GABRB3: variants seen among roughly 807,000 people sequenced by gnomAD.
The protein encoded by GABRB3 is gamma-aminobutyric acid receptor subunit beta-3.
Under a neutral mutation model 52.1 loss-of-function variants are expected in GABRB3, and 14 were observed. That is an observed-to-expected ratio of 0.27 (90% CI 0.18 to 0.42). The LOEUF is 0.42. Ranked by LOEUF, GABRB3 falls within the 10% of genes least tolerant of loss-of-function variation. The pLI is 1.00. For missense variants in GABRB3, 307 were observed against 609.1 expected, an observed-to-expected ratio of 0.50 and a Z score of 5.22; for synonymous variants, 260 against 232.3, an observed-to-expected ratio of 1.12 and a Z score of -1.08.
intron 5 of GABRB3, 50 bp downstream of exon 5, chr15:26,583,282 G>T (rs1356734557): frequency 1.0e-5 from 15 of 1,452,266 alleles, no homozygotes; most frequent in Non-Finnish European, 1.5e-5. Context: ...ATGACAAAAG[G>T]ATCAAAAGTA....
chr15:26,706,863 C>G (rs1477477781), intron 3 of GABRB3, among the ~76,000 whole-genome samples: 3 of 152,278 alleles, frequency 2.0e-5, no homozygotes, highest in Middle Eastern at 3.4e-3. Flanking sequence ...CTCAGCCTCC[C>G]AGCCATCTTC....
chr15:26,578,680 C>T (rs1334357962), intron 6 of GABRB3, among the ~76,000 whole-genome samples: 1 of 152,218 alleles, frequency 6.6e-6, no homozygotes, highest in Non-Finnish European at 1.5e-5. Flanking sequence ...CTCATAGCAG[C>T]ACGCTCATGG....
chr15:26,706,017 A>G (rs1353022131), intron 3 of GABRB3, among the ~76,000 whole-genome samples: 1 of 152,202 alleles, frequency 6.6e-6, no homozygotes, highest in Non-Finnish European at 1.5e-5. Flanking sequence ...CCCTTGTAAC[A>G]AACCTGCACA....
intron 3 of GABRB3, among the ~76,000 whole-genome samples, chr15:26,740,107 C>G (rs902130993): frequency 6.6e-6 from 1 of 152,140 alleles, no homozygotes; most frequent in Non-Finnish European, 1.5e-5. Flanking sequence ...CAATCGGCAG[C>G]TTCCCAGGGC....
intron 3 of GABRB3, among the ~76,000 whole-genome samples, chr15:26,719,093 G>A (rs1038399942): frequency 6.6e-6 from 1 of 152,226 alleles, no homozygotes; most frequent in African/African-American, 2.4e-5. Context: ...CTGACCTCTG[G>A]GCAGGCACAT....
At chr15:26,580,504 A>C (rs372714669) in intron 5 of GABRB3, 48 bp from the exon 6 acceptor site, 2 of 1,611,652 alleles carry the variant, frequency 1.2e-6, no homozygotes, top group South Asian at 1.1e-5. Context: ...ATTTCGTATA[A>C]ATGCACGGCT....
At chr15:26,720,476 T>C (rs960698020) in intron 3 of GABRB3, among the ~76,000 whole-genome samples, 1 of 152,146 alleles carries the variant, frequency 6.6e-6, no homozygotes, top group Non-Finnish European at 1.5e-5. Flanking sequence ...TGCTGTGACT[T>C]AGGAAGACGA....
rs117034756 is a variant in GABRB3 at position 26,581,863 on chromosome 15, C to T, written c.545-1407G>A. ...CTATTTGATTTTGGTCTAATGGCTT[C>T]CTGTCTTTTGTGGATTATAAGCTCC... is the stretch of plus-strand genomic sequence containing the variant. On this transcript the variant is annotated intron_variant, in intron 5 of 8. Coordinates refer to ENST00000311550, the MANE Select transcript of GABRB3 (RefSeq NM_000814.6). 9.1e-3 allele frequency among the ~76,000 whole-genome samples: 1,383 copies of T among 152,310 alleles called. 12 individuals are homozygous for T. The highest frequency in any genetic ancestry group is 0.027 in the Middle Eastern group (8 of 294).
chr15:26,573,273 T>G (rs992890946), intron 6 of GABRB3, among the ~76,000 whole-genome samples: 1 of 152,188 alleles, frequency 6.6e-6, no homozygotes, highest in African/African-American at 2.4e-5. Flanking sequence ...TACTTTATAA[T>G]GCAGCCTAAA....
At chr15:26,651,689 C>A (rs909192915) in intron 3 of GABRB3, among the ~76,000 whole-genome samples, 2 of 152,170 alleles carry the variant, frequency 1.3e-5, no homozygotes, top group African/African-American at 4.8e-5. Flanking sequence ...GGGAGTCACA[C>A]CCTACAAACC....
At position 26,621,349 on chromosome 15, in the gene GABRB3, A is replaced by G. The variant is rs769239044; in HGVS notation, c.426T>C (p.Arg142=). ...HGVTVKNRMI[R]LHPDGTVLYG... is the part of the protein sequence containing the mutation. Reference sequence around the variant, plus strand: ...ACAGCACTGTCCCATCAGGGTGAAGACGGATCATGCGGTTTTTCACTGTCA... The same window carrying G: ...ACAGCACTGTCCCATCAGGGTGAAGGCGGATCATGCGGTTTTTCACTGTCA... The change falls in exon 4 of 9, where the codon CGT becomes CGC. Residue 142 remains arginine, a synonymous_variant. Coordinates refer to ENST00000311550, the MANE Select transcript of GABRB3 (RefSeq NM_000814.6). This position sits in a 1 kb window ranked among gnomAD's most constrained non-coding sequence, Gnocchi z 4.1. The G allele has an allele frequency of 2.5e-6, 4 of 1,613,984 alleles. No homozygotes were observed. Among genetic ancestry groups the G allele is most frequent in the Non-Finnish European group, 3.4e-6 (4 of 1,180,026 alleles).
In GABRB3 at chr15:26,755,005, C is replaced by CTTT. The variant is rs5811447; in HGVS notation, c.240+17394_240+17396dup. 3.6e-3 allele frequency among the ~76,000 whole-genome samples: 504 copies of CTTT among 139,140 alleles called. 11 individuals are homozygous for CTTT. The highest frequency in any genetic ancestry group is 0.012 in the South Asian group (53 of 4,428). 91.3% of individuals were successfully genotyped at this position (139,140 alleles called of 152,430 possible). On this transcript the variant is annotated intron_variant, in intron 3 of 8. Transcript: ENST00000311550. ...TAAAAATGGTTAGAGCCTCTAACAA[C>CTTT]TTTTTTTTTTTTTTTTTGAGACGGA...
chr15:26,712,299 C>A (rs1453256685), intron 3 of GABRB3, among the ~76,000 whole-genome samples: 1 of 151,972 alleles, frequency 6.6e-6, no homozygotes, highest in Non-Finnish European at 1.5e-5. Flanking sequence ...CAGACATGAG[C>A]CACCATGCCT....
At chr15:26,583,063 C>T (rs1002847905) in intron 5 of GABRB3, among the ~76,000 whole-genome samples, 15 of 152,206 alleles carry the variant, frequency 9.9e-5, no homozygotes, top group East Asian at 3.9e-4. Flanking sequence ...AATAGCATCT[C>T]GGTGTTTGCT....
intron 3 of GABRB3, among the ~76,000 whole-genome samples, chr15:26,635,801 A>G (rs1893041091): frequency 6.6e-6 from 1 of 152,194 alleles, no homozygotes; most frequent in Non-Finnish European, 1.5e-5. Flanking sequence ...TAGTGATGCC[A>G]CACATTTTAG....
chr15:26,684,730 G>T (rs991594035), intron 3 of GABRB3, among the ~76,000 whole-genome samples: 3 of 152,154 alleles, frequency 2.0e-5, no homozygotes, highest in Non-Finnish European at 4.4e-5. Flanking sequence ...GAGAGAGACG[G>T]TTGGTGGAGC....
chr15:26,576,935 A>G lies in GABRB3; in HGVS notation c.682+3384T>C, dbSNP rs116941435. ...CTAGAAAGTAGATGAAGCTTATCCTAGATTGCTAATGCCTCCAGCTGTCTA... is the reference window on the plus strand; with the variant it reads ...CTAGAAAGTAGATGAAGCTTATCCTGGATTGCTAATGCCTCCAGCTGTCTA... On this transcript the variant is annotated intron_variant, in intron 6 of 8. Coordinates refer to ENST00000311550, the MANE Select transcript of GABRB3 (RefSeq NM_000814.6). 2.2e-4 allele frequency among the ~76,000 whole-genome samples: 34 copies of G among 152,316 alleles called. No homozygotes were observed. The East Asian group carries it at 6.6e-3, about 29-fold the overall frequency.
chr15:26,596,751 G>A (rs186184068), intron 4 of GABRB3, among the ~76,000 whole-genome samples: 1 of 152,208 alleles, frequency 6.6e-6, no homozygotes, highest in Non-Finnish European at 1.5e-5. Context: ...ACTGTATATG[G>A]TATATATCAC....
chr15:26,707,662 T>C (rs1430403118), intron 3 of GABRB3, among the ~76,000 whole-genome samples: 1 of 152,128 alleles, frequency 6.6e-6, no homozygotes, highest in Admixed American at 6.5e-5. Flanking sequence ...CAGAGGTAAT[T>C]AGGGTTCACT....
Sources: gnomAD v4.1 joint callset for allele counts (sites outside exome capture counted in the v4.1 genomes callset) on GRCh38, gnomAD v4.1.1 for gene constraint, Gnocchi (gnomAD v3.1) non-coding constraint, MANE v1.5 for transcripts, NCBI Gene and HGNC (gene_info 2026-07-23, HGNC 2026-07-21) for gene names.